The following SP100 variants were observed in gnomAD, a reference collection of about 807,000 sequenced individuals.
SP100 encodes nuclear autoantigen Sp-100.
A neutral mutation model predicts 130.0 loss-of-function variants in SP100; 84 were observed. The observed-to-expected ratio is 0.65, with a 90% CI of 0.54 to 0.77. SP100 has a LOEUF of 0.77. Ranked by LOEUF, SP100 falls within the 30% of genes least tolerant of loss-of-function variation. The pLI, the probability that SP100 is intolerant of heterozygous loss-of-function variation, is 0.00. For missense variants in SP100, 978 were observed against 1,052.2 expected (o/e 0.93, Z 0.97); for synonymous variants, 331 against 351.7 (o/e 0.94, Z 0.66).
chr2:230,436,196 C>T lies in SP100; in HGVS notation c.108-6741C>T, dbSNP rs113552498. On this transcript the variant is annotated intron_variant, in intron 2 of 28. Transcript: ENST00000340126. ...AGTTTTCTTCATACAAGTCTCATAC[C>T]TTTCAGATGTTTATAAATACATACA... Among the ~76,000 whole-genome samples the T allele has an allele frequency of 4.7e-3, 717 of 152,038 alleles. 5 individuals are homozygous for T. The highest frequency in any genetic ancestry group is 0.015 in the African/African-American group (618 of 41,452).
intron 2 of SP100, among the ~76,000 whole-genome samples, chr2:230,418,914 T>C (rs1017707233): frequency 1.3e-4 from 20 of 152,112 alleles, no homozygotes; most frequent in Admixed American, 6.5e-4. Flanking sequence ...CTCCAGAATG[T>C]CTTAGACTCC....
At chr2:230,494,364 A>G in intron 17 of SP100, 52 bp from the exon 18 acceptor site, 1 of 1,340,778 alleles carries the variant, frequency 7.5e-7, no homozygotes. Context: ...TAAAGTGTGT[A>G]AATCTTTGTT....
In SP100 at chr2:230,469,097, G is replaced by GT; in HGVS notation, c.1345+2dup. On this transcript the variant is annotated splice_donor_variant, in intron 14 of 28. Coordinates refer to ENST00000340126, the MANE Select transcript of SP100 (RefSeq NM_001080391.2). LOFTEE classifies it high-confidence loss of function. ...TGGAGAATACCCAGCAGGAAGAGAC[G>GT]TAAGAGCAATTAAAAACTCTTGATG... 6.3e-7 allele frequency: 1 copy of GT among 1,584,522 alleles called. No individual in the cohort carries two copies. The highest frequency in any genetic ancestry group is 8.6e-7 in the Non-Finnish European group (1 of 1,156,324).
In SP100 at chr2:230,474,449, T is replaced by G. The variant is rs1418695498; in HGVS notation, c.1600+2T>G. The G allele has an allele frequency of 7.7e-7, 1 of 1,293,090 alleles. No homozygotes were observed. The highest frequency in any genetic ancestry group is 1.5e-5 in the African/African-American group (1 of 67,520). The allele number at this position is 1,293,090 out of a possible 1,614,324, so 80.1% of individuals were successfully genotyped here. On this transcript the variant is annotated splice_donor_variant, in intron 17 of 28. Transcript: ENST00000340126. LOFTEE classifies it high-confidence loss of function. ...TGGAAAAACACAGTGGGAAAAGAAG[T>G]AAGAACAAATAAGAATTTACTTAAT...
chr2:230,477,586 C>T (rs973793643), intron 17 of SP100, among the ~76,000 whole-genome samples: 1 of 151,998 alleles, frequency 6.6e-6, no homozygotes, highest in Non-Finnish European at 1.5e-5. Flanking sequence ...TTTGAATCAC[C>T]ACTTTGATTA....
Position 230,467,136 on chromosome 2 carries a change from C to T in SP100, c.1212C>T (p.His404=), listed in dbSNP as rs145817406. The T allele has an allele frequency of 1.4e-5, 22 of 1,613,560 alleles. No homozygotes were observed. Among genetic ancestry groups the T allele is most frequent in the Admixed American group, 3.3e-5 (2 of 59,996 alleles). Reference sequence around the variant, plus strand: ...TTTCTGCAGTGATAGGACAAGACCACGACTTTTCAGAATCCAGTGAGGAGG... The same window carrying T: ...TTTCTGCAGTGATAGGACAAGACCATGACTTTTCAGAATCCAGTGAGGAGG... ...SFKKRVIGQD[H]DFSESSEEEA... Residue 404 remains histidine (H), a synonymous_variant, in exon 13 of 29, where the codon CAC becomes CAT. Transcript: ENST00000340126.
chr2:230,516,031 A>C, intron 24 of SP100: 1 of 995,252 alleles, frequency 1.0e-6, no homozygotes, highest in East Asian at 1.1e-4. Flanking sequence ...AAAAAAAAAA[A>C]ACAGTTGCAG....
chr2:230,492,639 T>C (rs182676521), intron 17 of SP100, among the ~76,000 whole-genome samples: 1 of 152,286 alleles, frequency 6.6e-6, no homozygotes, highest in Admixed American at 6.5e-5. Flanking sequence ...ACTATTTCTA[T>C]ATTGTCAGAG....
At chr2:230,486,677 C>G (rs6712053) in intron 17 of SP100, among the ~76,000 whole-genome samples, 24,927 of 152,144 alleles carry the variant, frequency 0.16, 2,465 homozygotes, top group Non-Finnish European at 0.23. Flanking sequence ...ACTTATATTC[C>G]TTTGGGTATA....
At chr2:230,490,933 A>T in intron 17 of SP100, among the ~76,000 whole-genome samples, 1 of 151,940 alleles carries the variant, frequency 6.6e-6, no homozygotes, top group East Asian at 1.9e-4. Context: ...ACCTTGGAGA[A>T]TCTGATGATT....
chr2:230,440,444 A>C (rs1052716885), intron 2 of SP100: 142 of 784,054 alleles, frequency 1.8e-4, no homozygotes, highest in Non-Finnish European at 2.3e-4. Flanking sequence ...TATTTTTTAA[A>C]TTTAATTAAA....
chr2:230,516,451 T>C (rs1469021330), intron 24 of SP100: 1 of 152,224 alleles, frequency 6.6e-6, no homozygotes, highest in Non-Finnish European at 1.5e-5. Flanking sequence ...TTTTCTTGAC[T>C]TTTGAAAACA....
chr2:230,491,118 C>G (rs1244511732), intron 17 of SP100, among the ~76,000 whole-genome samples: 1 of 152,182 alleles, frequency 6.6e-6, no homozygotes, highest in Non-Finnish European at 1.5e-5. Flanking sequence ...TCCAATCAGT[C>G]ATAGGTTTGG....
intron 18 of SP100, among the ~76,000 whole-genome samples, chr2:230,495,208 T>C (rs929245801): frequency 6.6e-6 from 1 of 152,166 alleles, no homozygotes; most frequent in Non-Finnish European, 1.5e-5. Flanking sequence ...TTGTAACTAA[T>C]ACAGTCCAGG....
chr2:230,516,914 C>T (rs1344271343), intron 24 of SP100, among the ~76,000 whole-genome samples: 2 of 152,136 alleles, frequency 1.3e-5, no homozygotes, highest in Non-Finnish European at 2.9e-5. Context: ...TTACAAATGT[C>T]ATATACTCTT....
rs1691629435 is a variant in SP100, at chr2:230,530,099, C to A, written c.2095-9168C>A. 5.3e-5 allele frequency among the ~76,000 whole-genome samples: 8 copies of A among 152,022 alleles called. No individual in the cohort carries two copies. In the South Asian group the frequency reaches 1.7e-3, roughly 32 times the overall value. On this transcript the variant is annotated intron_variant, in intron 24 of 28. Transcript: ENST00000340126. ...AACTACTTTAAAGTTCATATGGAACCAAAAATGAGCCCACATAGCCAGAAC... is the reference window on the plus strand; with the variant it reads ...AACTACTTTAAAGTTCATATGGAACAAAAAATGAGCCCACATAGCCAGAAC...
intron 15 of SP100, among the ~76,000 whole-genome samples, chr2:230,471,204 G>A (rs960878095): frequency 2.6e-5 from 4 of 152,168 alleles, no homozygotes; most frequent in East Asian, 1.9e-4. Context: ...TGAGCTCACC[G>A]AATCAAAGAG....
At chr2:230,457,812 T>G (rs2064360823) in intron 8 of SP100, among the ~76,000 whole-genome samples, 1 of 152,212 alleles carries the variant, frequency 6.6e-6, no homozygotes, top group African/African-American at 2.4e-5. Context: ...GAGAGTCCTA[T>G]TCTCCCATCT....
intron 24 of SP100, chr2:230,515,953 A>T: frequency 9.5e-7 from 1 of 1,047,760 alleles, no homozygotes; most frequent in Non-Finnish European, 1.1e-6. Context: ...TTTCACCTTC[A>T]GTTGTCTCTG....
Sources: allele counts gnomAD v4.1 joint callset (sites outside exome capture counted in the v4.1 genomes callset), GRCh38; gene constraint gnomAD v4.1.1; transcripts MANE v1.5; gene names NCBI Gene and HGNC (gene_info 2026-07-23, HGNC 2026-07-21).